SGCZ: variants seen among roughly 807,000 people sequenced by gnomAD.
SGCZ encodes the protein sarcoglycan zeta, also known as zeta-sarcoglycan.
Under a neutral mutation model 41.3 loss-of-function variants are expected in SGCZ, and 40 were observed. The observed-to-expected ratio is 0.97, with a 90% confidence interval of 0.75 to 1.26. The LOEUF (loss-of-function observed/expected upper bound fraction) is 1.26. Ranked by LOEUF, SGCZ falls within the 50% of genes most tolerant of loss-of-function variation. The pLI, the probability that SGCZ is intolerant of heterozygous loss-of-function variation, is 0.00. For synonymous variants in SGCZ, 206 were observed against 137.5 expected, an observed-to-expected ratio of 1.50 and a Z score of -3.49; for missense variants, 552 against 369.8, an observed-to-expected ratio of 1.49 and a Z score of -4.04.
At chr8:14,233,837 C>G (rs1806659472) in intron 4 of SGCZ, among the ~76,000 whole-genome samples, 1 of 151,594 alleles carries the variant, frequency 6.6e-6, no homozygotes, top group African/African-American at 2.4e-5. Flanking sequence ...AAAATTTTGA[C>G]CTGGAGAATG....
At chr8:14,437,809 A>C (rs148398461) in intron 2 of SGCZ, among the ~76,000 whole-genome samples, 1 of 151,788 alleles carries the variant, frequency 6.6e-6, no homozygotes, top group South Asian at 2.1e-4. Context: ...TCAACATTTC[A>C]TGCATTTAAT....
chr8:14,877,756 A>C (rs1041449630), intron 1 of SGCZ, among the ~76,000 whole-genome samples: 1 of 152,194 alleles, frequency 6.6e-6, no homozygotes, highest in African/African-American at 2.4e-5. Context: ...CTTCCAAAGC[A>C]TTCATTTTCC....
chr8:14,988,776 A>AT (rs1413190812), intron 1 of SGCZ, among the ~76,000 whole-genome samples: 2 of 152,134 alleles, frequency 1.3e-5, no homozygotes, highest in African/African-American at 2.4e-5. Flanking sequence ...ATAACTATGC[A>AT]TTTTTTCCTA....
intron 2 of SGCZ, among the ~76,000 whole-genome samples, chr8:14,443,773 A>C (rs1023253973): frequency 4.9e-4 from 75 of 152,154 alleles, no homozygotes; most frequent in African/African-American, 1.8e-3. Context: ...TGTCTAAAAC[A>C]CCAAAAGCCA....
chr8:14,410,981 T>G (rs1025414556), intron 2 of SGCZ, among the ~76,000 whole-genome samples: 1 of 152,150 alleles, frequency 6.6e-6, no homozygotes, highest in Non-Finnish European at 1.5e-5. Flanking sequence ...TCAATAGCAA[T>G]TTTAAAAACA....
intron 2 of SGCZ, among the ~76,000 whole-genome samples, chr8:14,425,201 G>A (rs889729785): frequency 8.5e-5 from 13 of 152,112 alleles, no homozygotes; most frequent in African/African-American, 2.9e-4. Context: ...CCAAGAAATC[G>A]AATCAGAGTT....
chr8:14,331,202 A>G (rs940275144), intron 2 of SGCZ, among the ~76,000 whole-genome samples: 1 of 152,026 alleles, frequency 6.6e-6, no homozygotes, highest in Non-Finnish European at 1.5e-5. Flanking sequence ...AAAGGAATAC[A>G]TAAAGAATGG....
At chr8:15,104,484 G>A (rs529534836) in intron 1 of SGCZ, among the ~76,000 whole-genome samples, 2 of 152,202 alleles carry the variant, frequency 1.3e-5, no homozygotes, top group South Asian at 4.1e-4. Context: ...TATAATCCAG[G>A]TATTTCCAAA....
intron 1 of SGCZ, among the ~76,000 whole-genome samples, chr8:14,624,265 C>G (rs1007057588): frequency 1.3e-5 from 2 of 152,010 alleles, no homozygotes; most frequent in Non-Finnish European, 2.9e-5. Context: ...TGTTGAAAGC[C>G]TTAGGAATCC....
intron 1 of SGCZ, among the ~76,000 whole-genome samples, chr8:14,628,000 T>A (rs1167291647): frequency 6.6e-6 from 1 of 152,136 alleles, no homozygotes; most frequent in Non-Finnish European, 1.5e-5. Flanking sequence ...CACATCACTA[T>A]GTCCCAGTTT....
At chr8:14,784,953 T>C (rs1585257919) in intron 1 of SGCZ, among the ~76,000 whole-genome samples, 1 of 128,818 alleles carries the variant, frequency 7.8e-6, no homozygotes, top group South Asian at 2.3e-4. Context: ...ATATTTTTTA[T>C]ATTATATATA....
chr8:14,256,393 C>A (rs1326601421), intron 3 of SGCZ, among the ~76,000 whole-genome samples: 2 of 152,026 alleles, frequency 1.3e-5, no homozygotes, highest in Non-Finnish European at 2.9e-5. Flanking sequence ...TGGAAGATCC[C>A]TAGATGGAAC....
chr8:14,819,007 A>T (rs906390990), intron 1 of SGCZ, among the ~76,000 whole-genome samples: 1 of 152,130 alleles, frequency 6.6e-6, no homozygotes, highest in African/African-American at 2.4e-5. Context: ...TTCTGAAAAC[A>T]TTCTATGTAT....
chr8:14,640,895 T>G (rs1157924319), intron 1 of SGCZ, among the ~76,000 whole-genome samples: 1 of 151,666 alleles, frequency 6.6e-6, no homozygotes, highest in Non-Finnish European at 1.5e-5. Flanking sequence ...AGCATACATC[T>G]TATTTAGAAT....
intron 7 of SGCZ, among the ~76,000 whole-genome samples, chr8:14,100,566 AT>A (rs1303339750): frequency 1.5e-5 from 2 of 134,820 alleles, no homozygotes; most frequent in Non-Finnish European, 3.1e-5. Flanking sequence ...TATATTATAT[AT>A]TAATATATTT....
At chr8:14,126,685 G>A (rs1468655116) in intron 5 of SGCZ, among the ~76,000 whole-genome samples, 2 of 152,026 alleles carry the variant, frequency 1.3e-5, no homozygotes, top group African/African-American at 4.8e-5. Context: ...ATACACACAC[G>A]TATGTTTACT....
intron 1 of SGCZ, among the ~76,000 whole-genome samples, chr8:15,192,932 G>A (rs1042852374): frequency 6.6e-6 from 1 of 152,194 alleles, no homozygotes; most frequent in Admixed American, 6.5e-5. Flanking sequence ...CCCAAAGACA[G>A]AGATTCATAC....
At chr8:14,403,410 G>C (rs1434825019) in intron 2 of SGCZ, among the ~76,000 whole-genome samples, 1 of 151,522 alleles carries the variant, frequency 6.6e-6, no homozygotes, top group Non-Finnish European at 1.5e-5. Context: ...CATTCAGTAT[G>C]ATATTGGCTG....
intron 1 of SGCZ, among the ~76,000 whole-genome samples, chr8:14,804,455 G>A (rs911148820): frequency 1.0e-4 from 14 of 134,676 alleles, no homozygotes; most frequent in Non-Finnish European, 1.1e-4. Context: ...GAGCCGATGC[G>A]ATCAACTGGA....
Sources: gnomAD v4.1 joint callset for allele counts (sites outside exome capture counted in the v4.1 genomes callset) on GRCh38, gnomAD v4.1.1 for gene constraint, MANE v1.5 for transcripts, NCBI Gene and HGNC (gene_info 2026-07-23, HGNC 2026-07-21) for gene names.